Variants in CRACDL observed in about 807,000 individuals in gnomAD.
CRACDL encodes CRACD-like protein.
In CRACDL, 26 loss-of-function variants were observed where a neutral mutation model predicts 70.6. The observed-to-expected ratio is 0.37, with a 90% CI of 0.27 to 0.51. The LOEUF is 0.51. Ranked by LOEUF, CRACDL falls within the 20% of genes least tolerant of loss-of-function variation. CRACDL has a pLI of 0.94. For missense variants in CRACDL, 1,283 were observed against 1,376.9 expected (o/e 0.93, Z 1.08); for synonymous variants, 618 against 615.2 (o/e 1.00, Z -0.07).
chr2:98,883,689 C>T (rs902229548), intron 1 of CRACDL, among the ~76,000 whole-genome samples: 35 of 152,172 alleles, frequency 2.3e-4, no homozygotes, highest in African/African-American at 7.5e-4. Flanking sequence ...AGAATAAACC[C>T]GAGCCCGGGT....
At chr2:98,814,553 T>C (rs1704705362) in intron 7 of CRACDL, among the ~76,000 whole-genome samples, 1 of 152,202 alleles carries the variant, frequency 6.6e-6, no homozygotes, top group African/African-American at 2.4e-5. Flanking sequence ...TTCTTTCGAA[T>C]TTAATAAGGG....
At chr2:98,864,875 T>C (rs937619000) in intron 1 of CRACDL, among the ~76,000 whole-genome samples, 2 of 152,242 alleles carry the variant, frequency 1.3e-5, no homozygotes, top group African/African-American at 4.8e-5. Context: ...AGGTGAACTT[T>C]ATGATATGTA....
At position 98,822,289 on chromosome 2, in the gene CRACDL, C is replaced by G. The variant is rs1705084639; in HGVS notation, c.1984G>C (p.Gly662Arg). 6.5e-7 allele frequency: 1 copy of G among 1,545,384 alleles called. No individual in the cohort carries two copies. The highest frequency in any genetic ancestry group is 1.2e-5 in the South Asian group (1 of 83,900). Residue 662 changes from glycine (G) to arginine (R), a missense_variant, in exon 7 of 10, where the codon GGC (glycine) becomes CGC (arginine). By Grantham distance (125) the Gly-to-Arg change is moderately radical. Transcript: ENST00000397899. The surrounding 1 kb of genome is among the most constrained non-coding windows in gnomAD (Gnocchi z 4.9). ...KSPQEAAAAP[G>R]TREPCPAAQE... ...GCGGCTGGGCAGGGCTCTCTCGTGCCGGGCGCGGCGGCCGCCTCCTGAGGG... is the reference window on the plus strand; with the variant it reads ...GCGGCTGGGCAGGGCTCTCTCGTGCGGGGCGCGGCGGCCGCCTCCTGAGGG...
At chr2:98,838,679 A>C (rs1705898959) in intron 2 of CRACDL, among the ~76,000 whole-genome samples, 2 of 152,202 alleles carry the variant, frequency 1.3e-5, no homozygotes, top group South Asian at 4.1e-4. Flanking sequence ...AAAAAATAAA[A>C]TAAAATAAAA....
At chr2:98,915,607 T>C (rs1708645174) in intron 1 of CRACDL, among the ~76,000 whole-genome samples, 1 of 151,304 alleles carries the variant, frequency 6.6e-6, no homozygotes, top group South Asian at 2.1e-4. Flanking sequence ...CACAGAGTGA[T>C]GGTAGGGGCT....
At chr2:98,906,291 T>C (rs1976766) in intron 1 of CRACDL, among the ~76,000 whole-genome samples, 74,957 of 147,900 alleles carry the variant, frequency 0.51, 20,662 homozygotes, top group African/African-American at 0.71. Context: ...GAGACAGAGT[T>C]TCGCTCTGTC....
At chr2:98,892,583 C>T (rs1000049631) in intron 1 of CRACDL, among the ~76,000 whole-genome samples, 3 of 151,438 alleles carry the variant, frequency 2.0e-5, no homozygotes, top group Non-Finnish European at 2.9e-5. Context: ...CTAGCTACTC[C>T]GGAGGCTGAG....
intron 3 of CRACDL, among the ~76,000 whole-genome samples, chr2:98,835,428 T>A (rs1449103323): frequency 6.6e-6 from 1 of 152,122 alleles, no homozygotes; most frequent in Non-Finnish European, 1.5e-5. Flanking sequence ...AGATTTCTCA[T>A]TGGACAAGAA....
In CRACDL at chr2:98,827,053, C is replaced by T. The variant is rs773033719; in HGVS notation, c.657G>A (p.Leu219=). 3.1e-6 allele frequency: 5 copies of T among 1,614,112 alleles called. No individual in the cohort carries two copies. The highest frequency in any genetic ancestry group is 4.5e-5 in the East Asian group (2 of 44,878). The change falls in exon 6 of 10, where the codon CTG becomes CTA. Residue 219 remains leucine, a synonymous_variant. Coordinates refer to ENST00000397899, the MANE Select transcript of CRACDL (RefSeq NM_207362.3). ...FSYPAESSSC[L]DNSAAKHKLQ... ...GCTTGTGCTTAGCTGCAGAGTTGTC[C>T]AGGCAGGAGGAGGATTCTGCAGGAT...
intron 1 of CRACDL, among the ~76,000 whole-genome samples, chr2:98,901,930 A>T (rs1708292799): frequency 1.3e-5 from 2 of 152,206 alleles, no homozygotes; most frequent in Admixed American, 1.3e-4. Context: ...GCAGTAAGAC[A>T]GGAACACAAG....
chr2:98,821,884 C>T lies in CRACDL; in HGVS notation c.2389G>A (p.Glu797Lys). ...GCTCCCCTGCGCAGCGGCCTTTTCT[C>T]CGCCGTCCTGGGCTCCTTCCTGGGT... ...REPRKEPRTA[E>K]KRPLRRGAEK... Residue 797 changes from glutamate to lysine, a missense_variant, in exon 7 of 10, where the codon GAG (glutamate) becomes AAG (lysine). By Grantham distance (56) the Glu-to-Lys change is moderately conservative. Around this residue, in one of 2 missense-constraint regions of CRACDL, gnomAD observed 921 missense variants for 881.9 expected, o/e 1.04. Transcript: ENST00000397899. 6.2e-7 allele frequency: 1 copy of T among 1,606,780 alleles called. No individual in the cohort carries two copies. The highest frequency in any genetic ancestry group is 8.5e-7 in the Non-Finnish European group (1 of 1,178,564).
chr2:98,840,948 G>A (rs1706001459), intron 2 of CRACDL, among the ~76,000 whole-genome samples: 1 of 152,130 alleles, frequency 6.6e-6, no homozygotes, highest in Non-Finnish European at 1.5e-5. Context: ...ATGCTTAAAG[G>A]AAATGCTCAC....
intron 2 of CRACDL, among the ~76,000 whole-genome samples, chr2:98,844,648 A>T (rs1361256670): frequency 6.6e-6 from 1 of 152,248 alleles, no homozygotes; most frequent in Non-Finnish European, 1.5e-5. Context: ...GGAGACTTCG[A>T]CATATGGATT....
chr2:98,912,032 C>T (rs538408504), intron 1 of CRACDL, among the ~76,000 whole-genome samples: 13 of 152,274 alleles, frequency 8.5e-5, no homozygotes, highest in African/African-American at 3.1e-4. Flanking sequence ...CCCCTCCACA[C>T]CCCTGGGAGG....
chr2:98,922,658 T>G (rs1708831580), intron 1 of CRACDL, among the ~76,000 whole-genome samples: 1 of 151,958 alleles, frequency 6.6e-6, no homozygotes, highest in African/African-American at 2.4e-5. Context: ...TCCAATTAGC[T>G]TGACACCTAG....
In CRACDL at chr2:98,822,500, C is replaced by T. The variant is rs1361594645; in HGVS notation, c.1773G>A (p.Leu591=). 1.4e-6 allele frequency: 2 copies of T among 1,458,728 alleles called. No homozygotes were observed. The highest frequency in any genetic ancestry group is 1.5e-5 in the African/African-American group (1 of 67,176). The allele number at this position is 1,458,728 out of a possible 1,614,324, so 90.4% of individuals were successfully genotyped here. The change falls in exon 7 of 10, where the codon CTG becomes CTA. Residue 591 remains leucine (L), a synonymous_variant. Transcript: ENST00000397899. This position sits in a 1 kb window ranked among gnomAD's most constrained non-coding sequence, Gnocchi z 4.9. ...ARPRPGVSRP[L]ERASGRLPLA... ...GGGGCAGGCGGCCGCTGGCCCGTTC[C>T]AGCGGGCGGGAGACGCCCGGACGAG...
intron 1 of CRACDL, among the ~76,000 whole-genome samples, chr2:98,910,625 C>T (rs1236227559): frequency 1.3e-5 from 2 of 152,194 alleles, no homozygotes; most frequent in Admixed American, 1.3e-4. Flanking sequence ...GTCTGCTCTG[C>T]TCACAATGAC....
chr2:98,850,458 A>G (rs1459262387), intron 1 of CRACDL, among the ~76,000 whole-genome samples: 1 of 152,248 alleles, frequency 6.6e-6, no homozygotes, highest in Non-Finnish European at 1.5e-5. Context: ...TAGAAAGGCA[A>G]TGTGGCAAAT....
In CRACDL at chr2:98,882,061, G is replaced by A. The variant is rs1558621088; in HGVS notation, c.-10-35251C>T. 4.6e-5 allele frequency among the ~76,000 whole-genome samples: 7 copies of A among 152,194 alleles called. No individual in the cohort carries two copies. In the South Asian group the frequency reaches 6.2e-4, roughly 14 times the overall value. Reference sequence around the variant, plus strand: ...GGGCACCTGGTTCCACGTCCCATACGACAGTCTCCAGAACAAAAGGTTTTC... The same window carrying A: ...GGGCACCTGGTTCCACGTCCCATACAACAGTCTCCAGAACAAAAGGTTTTC... On this transcript the variant is annotated intron_variant, in intron 1 of 9. Coordinates refer to ENST00000397899, the MANE Select transcript of CRACDL (RefSeq NM_207362.3).
Sources: allele counts gnomAD v4.1 joint callset (sites outside exome capture counted in the v4.1 genomes callset), GRCh38; gene constraint gnomAD v4.1.1; regional missense constraint gnomAD v4.1.1; non-coding constraint Gnocchi (gnomAD v3.1); transcripts MANE v1.5; gene names NCBI Gene and HGNC (gene_info 2026-07-23, HGNC 2026-07-21).